Variants in ADAMTS9 observed in about 807,000 individuals in gnomAD.
ADAMTS9 encodes ADAM metallopeptidase with thrombospondin type 1 motif 9, also known as A disintegrin and metalloproteinase with thrombospondin motifs 9.
A neutral mutation model predicts 257.1 loss-of-function variants in ADAMTS9; 107 were observed. The observed-to-expected ratio is 0.42, with a 90% confidence interval of 0.36 to 0.49. The LOEUF (loss-of-function observed/expected upper bound fraction) is 0.49, where lower values mean the gene tolerates loss of function less well. ADAMTS9 is among the 20% of genes least tolerant of loss of function. The pLI is 0.03. For synonymous variants in ADAMTS9, 982 were observed against 880.9 expected (o/e 1.11, Z -2.03); for missense variants, 2,353 against 2,469.1 (o/e 0.95, Z 1.00).
intron 22 of ADAMTS9, among the ~76,000 whole-genome samples, chr3:64,607,693 C>T (rs753600645): frequency 3.8e-4 from 58 of 152,180 alleles, no homozygotes; most frequent in Non-Finnish European, 7.1e-4. Context: ...GGTCCCTCCA[C>T]TGAAGCAACT....
At chr3:64,596,307 A>C (rs1370029906) in intron 27 of ADAMTS9, among the ~76,000 whole-genome samples, 1 of 152,220 alleles carries the variant, frequency 6.6e-6, no homozygotes, top group African/African-American at 2.4e-5. Flanking sequence ...CAACCCTGAA[A>C]AGGTAGCAGC....
rs200501339 is a variant in ADAMTS9 at position 64,553,087 on chromosome 3, CAAGTATAG to C, written c.4699-2033_4699-2026del. Among the ~76,000 whole-genome samples, 1,356 of 152,034 alleles carry C rather than the reference CAAGTATAG, an allele frequency of 8.9e-3. 13 individuals carry two copies. The highest frequency in any genetic ancestry group is 0.015 in the Non-Finnish European group (1,025 of 67,988). The stretch of plus-strand genomic sequence containing the variant: ...ATAAAATTCACCATTTTAACTATCA[CAAGTATAG>C]AATTCAGTGGCCTTTAGGACATTTG... On this transcript the variant is annotated intron_variant, in intron 30 of 39. Coordinates refer to ENST00000498707, the MANE Select transcript of ADAMTS9 (RefSeq NM_182920.2).
chr3:64,546,174 C>CT (rs2083196034), intron 32 of ADAMTS9, among the ~76,000 whole-genome samples: 1 of 151,830 alleles, frequency 6.6e-6, no homozygotes, highest in African/African-American at 2.4e-5. Flanking sequence ...AACCTAAGTG[C>CT]TTTTTATATA....
At chr3:64,606,513 T>C (rs2084558764) in intron 23 of ADAMTS9, among the ~76,000 whole-genome samples, 1 of 152,210 alleles carries the variant, frequency 6.6e-6, no homozygotes, top group South Asian at 2.1e-4. Flanking sequence ...CATTTAATTA[T>C]AGATTTATAT....
At chr3:64,544,296 T>C (rs1295397807) in intron 32 of ADAMTS9, among the ~76,000 whole-genome samples, 3 of 152,102 alleles carry the variant, frequency 2.0e-5, no homozygotes, top group Admixed American at 6.5e-5. Flanking sequence ...AAAAAGAGCC[T>C]GCATTGCCAC....
intron 28 of ADAMTS9, chr3:64,568,826 T>G: frequency 6.7e-6 from 2 of 298,224 alleles, no homozygotes; most frequent in African/African-American, 2.2e-5. Context: ...GAACCTGAAA[T>G]TACCATGAAA....
intron 11 of ADAMTS9, among the ~76,000 whole-genome samples, chr3:64,643,365 AAATT>A (rs1229675939): frequency 1.3e-5 from 2 of 151,984 alleles, no homozygotes; most frequent in African/African-American, 4.8e-5. Context: ...TAAAAAACTT[AAATT>A]AATTTTAATA....
intron 28 of ADAMTS9, among the ~76,000 whole-genome samples, chr3:64,574,147 C>T (rs1362980417): frequency 1.3e-5 from 2 of 152,152 alleles, no homozygotes; most frequent in African/African-American, 4.8e-5. Flanking sequence ...ATACTGAACT[C>T]ATTTGGCACA....
At chr3:64,556,258 G>C (rs911532765) in intron 30 of ADAMTS9, among the ~76,000 whole-genome samples, 1 of 152,182 alleles carries the variant, frequency 6.6e-6, no homozygotes, top group Non-Finnish European at 1.5e-5. Flanking sequence ...CCATGGCATT[G>C]TGAGAAGAAA....
chr3:64,641,634 C>G (rs1402037369), intron 12 of ADAMTS9, among the ~76,000 whole-genome samples: 1 of 151,784 alleles, frequency 6.6e-6, no homozygotes, highest in Non-Finnish European at 1.5e-5. Context: ...GTAGATAAAA[C>G]TTTGAATAAC....
intron 38 of ADAMTS9, among the ~76,000 whole-genome samples, chr3:64,530,411 C>T (rs981145901): frequency 2.6e-5 from 4 of 151,682 alleles, no homozygotes; most frequent in Non-Finnish European, 5.9e-5. Context: ...TCCAGACAGC[C>T]GGGGGCTAGA....
intron 8 of ADAMTS9, among the ~76,000 whole-genome samples, chr3:64,651,518 A>G (rs1033117101): frequency 6.6e-6 from 1 of 152,188 alleles, no homozygotes; most frequent in Non-Finnish European, 1.5e-5. Context: ...GTTAAAGGGC[A>G]ATTTATAGAG....
intron 22 of ADAMTS9, among the ~76,000 whole-genome samples, chr3:64,609,314 A>G (rs1035131675): frequency 6.6e-6 from 1 of 152,100 alleles, no homozygotes; most frequent in Non-Finnish European, 1.5e-5. Context: ...AAAGACATGC[A>G]AAGAAAGCGG....
chr3:64,637,400 G>A lies in ADAMTS9; in HGVS notation c.1857-3521C>T, dbSNP rs1018440681. 3.3e-4 allele frequency among the ~76,000 whole-genome samples: 50 copies of A among 152,264 alleles called. 1 individual carries two copies. Among genetic ancestry groups the A allele is most frequent in the African/African-American group, 1.2e-3 (50 of 41,554 alleles). ...ATTGCATGTCAAATAGGGATAGGGA[G>A]GGTTTAAGGAAATTGCTAGAGTAAT... On this transcript the variant is annotated intron_variant, in intron 12 of 39. Coordinates refer to ENST00000498707, the MANE Select transcript of ADAMTS9 (RefSeq NM_182920.2).
At position 64,633,561 on chromosome 3, in the gene ADAMTS9, T is replaced by C. The variant is rs1451443911; in HGVS notation, c.2086A>G (p.Thr696Ala). 1 of 1,614,108 alleles carries C rather than the reference T, an allele frequency of 6.2e-7. No individual in the cohort carries two copies. The highest frequency in any genetic ancestry group is 1.7e-5 in the Admixed American group (1 of 60,018). Residue 696 changes from threonine to alanine, a missense_variant, in exon 14 of 40, where the codon ACA becomes GCA. Around this residue, in one of 3 missense-constraint regions of ADAMTS9, gnomAD observed 360 missense variants for 458.1 expected, o/e 0.79. Coordinates refer to ENST00000498707, the MANE Select transcript of ADAMTS9 (RefSeq NM_182920.2). ...CKLFCRVAGNTAYYQLRDRVI... is the reference protein window; with the variant it reads ...CKLFCRVAGNAAYYQLRDRVI... ...CTGTCTCGAAGCTGATAGTAGGCTGTGTTCCCTGCCACTCTGCAGAACAAC... is the reference window on the plus strand; with the variant it reads ...CTGTCTCGAAGCTGATAGTAGGCTGCGTTCCCTGCCACTCTGCAGAACAAC...
At chr3:64,524,437 C>A (rs2082885787) in intron 38 of ADAMTS9, among the ~76,000 whole-genome samples, 1 of 152,102 alleles carries the variant, frequency 6.6e-6, no homozygotes, top group Admixed American at 6.6e-5. Flanking sequence ...TGTAGAAAGG[C>A]ATTTAGAAAG....
At chr3:64,544,030 T>G (rs1304177570) in intron 32 of ADAMTS9, among the ~76,000 whole-genome samples, 1 of 152,094 alleles carries the variant, frequency 6.6e-6, no homozygotes, top group Non-Finnish European at 1.5e-5. Flanking sequence ...TCAAAGAGAA[T>G]AAAATACCTA....
intron 28 of ADAMTS9, among the ~76,000 whole-genome samples, chr3:64,579,417 C>T (rs1241172407): frequency 6.6e-6 from 1 of 152,176 alleles, no homozygotes; most frequent in Non-Finnish European, 1.5e-5. Context: ...ACCTACTCTT[C>T]TACGCTATCT....
chr3:64,654,294 G>T, intron 8 of ADAMTS9, 59 bp downstream of exon 8: 2 of 1,500,928 alleles, frequency 1.3e-6, no homozygotes, highest in South Asian at 1.2e-5. Context: ...TCACTGATGC[G>T]AAGGAATAAA....
Sources: allele counts gnomAD v4.1 joint callset (sites outside exome capture counted in the v4.1 genomes callset), GRCh38; gene constraint gnomAD v4.1.1; regional missense constraint gnomAD v4.1.1; transcripts MANE v1.5; gene names NCBI Gene and HGNC (gene_info 2026-07-23, HGNC 2026-07-21).